RASGRF2: variants seen among roughly 807,000 people sequenced by gnomAD.
The protein encoded by RASGRF2 is ras-specific guanine nucleotide-releasing factor 2.
A neutral mutation model predicts 151.0 loss-of-function variants in RASGRF2; 76 were observed. That is an observed-to-expected ratio of 0.50 (90% confidence interval 0.42 to 0.61). The LOEUF is 0.61. Ranked by LOEUF, RASGRF2 falls within the 20% of genes least tolerant of loss-of-function variation. The pLI, the probability that RASGRF2 is intolerant of heterozygous loss-of-function variation, is 0.00. For synonymous variants in RASGRF2, 504 were observed against 566.5 expected (o/e 0.89, Z 1.57); for missense variants, 1,148 against 1,564.6 (o/e 0.73, Z 4.49).
chr5:81,040,261 A>T (rs1750638464), intron 1 of RASGRF2, among the ~76,000 whole-genome samples: 1 of 152,184 alleles, frequency 6.6e-6, no homozygotes, highest in Admixed American at 6.5e-5. Flanking sequence ...CTCCTGTCTC[A>T]GCCTCCAAAA....
intron 1 of RASGRF2, among the ~76,000 whole-genome samples, chr5:81,028,751 G>A (rs543997700): frequency 3.3e-5 from 5 of 152,224 alleles, no homozygotes; most frequent in African/African-American, 7.2e-5. Context: ...CAGAAGACAG[G>A]TGATTTCTGC....
Position 81,180,179 on chromosome 5 carries a change from TAAC to T in RASGRF2, c.2696_2698del (p.Asn899del). 1 of 1,598,386 alleles carries T rather than the reference TAAC, an allele frequency of 6.3e-7. No homozygotes were observed. On this transcript the variant is annotated inframe_deletion, in exon 18 of 27. Transcript: ENST00000265080. ...TGTGTTTCTTTTTCTCCTAAGGCTT[TAAC>T]AACACCGAGAGAACATGTGATAAAG...
At chr5:81,032,508 A>G (rs62367401) in intron 1 of RASGRF2, among the ~76,000 whole-genome samples, 12,355 of 152,254 alleles carry the variant, frequency 0.081, 722 homozygotes, top group East Asian at 0.16. Context: ...AAATCAATAA[A>G]CGTAATCCAG....
chr5:81,197,348 C>T (rs965390270), intron 18 of RASGRF2, among the ~76,000 whole-genome samples: 3 of 145,382 alleles, frequency 2.1e-5, no homozygotes, highest in Admixed American at 7.1e-5. Flanking sequence ...CCCAGCTACT[C>T]GGGAGGCTGA....
At chr5:80,993,219 C>T (rs1360371908) in intron 1 of RASGRF2, among the ~76,000 whole-genome samples, 2 of 152,170 alleles carry the variant, frequency 1.3e-5, no homozygotes, top group African/African-American at 4.8e-5. Context: ...GATGAAATGA[C>T]AGTGTCTGGA....
chr5:81,159,176 GGAAT>G lies in RASGRF2; in HGVS notation c.2687-20992_2687-20989del, dbSNP rs552439804. Among the ~76,000 whole-genome samples the G allele has an allele frequency of 2.4e-3, 365 of 152,284 alleles. 2 individuals are homozygous for G. The highest frequency in any genetic ancestry group is 8.2e-3 in the African/African-American group (341 of 41,548). Reference sequence around the variant, plus strand: ...ATTGCAAAATGTTCTGCAATAAAAAGGAATGAATGACTGGGACATGCTACAGCAT... The same window carrying G: ...ATTGCAAAATGTTCTGCAATAAAAAGGAATGACTGGGACATGCTACAGCAT... On this transcript the variant is annotated intron_variant, in intron 17 of 26. Transcript: ENST00000265080.
rs575624678 is a variant in RASGRF2, at chr5:81,117,483, GCCTCATGATATAATCA to G, written c.2470+3568_2470+3583del. Among the ~76,000 whole-genome samples, 150 of 152,230 alleles carry G rather than the reference GCCTCATGATATAATCA, an allele frequency of 9.9e-4. No individual in the cohort carries two copies. In the East Asian group the frequency reaches 0.02, roughly 21 times the overall value. Reference sequence around the variant, plus strand: ...CATTAATCCATTTATGTGTGTAGAGGCCTCATGATATAATCACCTCTTAGAGGTCCCACCTCTCAAC... The same window carrying G: ...CATTAATCCATTTATGTGTGTAGAGGCCTCTTAGAGGTCCCACCTCTCAAC... On this transcript the variant is annotated intron_variant, in intron 15 of 26. Transcript: ENST00000265080.
At chr5:81,019,595 G>C (rs185554462) in intron 1 of RASGRF2, 1 of 152,184 alleles carries the variant, frequency 6.6e-6, no homozygotes, top group South Asian at 2.1e-4. Flanking sequence ...TGTAAAGAAC[G>C]TGTGTAGTAA....
chr5:80,979,151 G>A (rs540007756), intron 1 of RASGRF2, among the ~76,000 whole-genome samples: 1 of 152,218 alleles, frequency 6.6e-6, no homozygotes, highest in Admixed American at 6.5e-5. Context: ...TATGATTAGG[G>A]TAGTTCCCAA....
At chr5:81,120,543 A>G (rs1433353708) in intron 15 of RASGRF2, among the ~76,000 whole-genome samples, 1 of 152,240 alleles carries the variant, frequency 6.6e-6, no homozygotes, top group Non-Finnish European at 1.5e-5. Context: ...TGATCATACC[A>G]CTGCATTCCA....
intron 17 of RASGRF2, among the ~76,000 whole-genome samples, chr5:81,169,266 C>T (rs1210468549): frequency 2.0e-5 from 3 of 152,166 alleles, no homozygotes; most frequent in Non-Finnish European, 4.4e-5. Context: ...TCCTCTTTCC[C>T]TCAGACCTTA....
chr5:80,990,833 C>T (rs1048067653), intron 1 of RASGRF2, among the ~76,000 whole-genome samples: 3 of 152,208 alleles, frequency 2.0e-5, no homozygotes, highest in Non-Finnish European at 2.9e-5. Context: ...GAAGTGCTGA[C>T]TGTTCTAGTA....
chr5:81,127,086 A>C lies in RASGRF2; in HGVS notation c.2609A>C (p.Asp870Ala), dbSNP rs1753476912. 1 of 1,614,094 alleles carries C rather than the reference A, an allele frequency of 6.2e-7. No homozygotes were observed. The highest frequency in any genetic ancestry group is 1.6e-4 in the Middle Eastern group (1 of 6,062). ...TTCAAATAACCAGGACAGACGGCGG[A>C]CAATGCCCACTGCTCTGTTTCACCG... ...RYRQPGGQTADNAHCSVSPAS... is the reference protein window; with the variant it reads ...RYRQPGGQTAANAHCSVSPAS... The change falls in exon 17 of 27, where the codon GAC (aspartate) becomes GCC (alanine). Residue 870 changes from aspartate (D) to alanine (A), a missense_variant. Physicochemically the swap from Asp to Ala is moderately radical, Grantham distance 126. Transcript: ENST00000265080.
intron 1 of RASGRF2, among the ~76,000 whole-genome samples, chr5:81,011,374 A>G (rs565476): frequency 0.56 from 85,361 of 151,910 alleles, 24,468 homozygotes; most frequent in Middle Eastern, 0.69. Context: ...TTCTTTTTTT[A>G]CCATTAAACC....
chr5:81,031,411 T>A (rs1312906628), intron 1 of RASGRF2, among the ~76,000 whole-genome samples: 2 of 152,166 alleles, frequency 1.3e-5, no homozygotes, highest in East Asian at 3.9e-4. Context: ...AAAACACTTC[T>A]CAGCAAATGT....
At chr5:81,157,754 C>T (rs1754295182) in intron 17 of RASGRF2, among the ~76,000 whole-genome samples, 1 of 152,116 alleles carries the variant, frequency 6.6e-6, no homozygotes, top group Non-Finnish European at 1.5e-5. Flanking sequence ...AGGGGAAATG[C>T]CAGATGCTTA....
At chr5:81,219,941 AG>A (rs376060385) in intron 26 of RASGRF2, 163 bp downstream of exon 26, 3 of 553,672 alleles carry the variant, frequency 5.4e-6, no homozygotes, top group Non-Finnish European at 9.5e-6. Flanking sequence ...AAAAAAAAAA[AG>A]AACATCAATT....
At chr5:81,208,889 G>A (rs961233273) in intron 22 of RASGRF2, among the ~76,000 whole-genome samples, 1 of 152,076 alleles carries the variant, frequency 6.6e-6, no homozygotes, top group Non-Finnish European at 1.5e-5. Context: ...GGATATTGAC[G>A]ACAAGCTTAA....
At chr5:81,125,401 C>T (rs747481376) in intron 16 of RASGRF2, among the ~76,000 whole-genome samples, 2 of 152,144 alleles carry the variant, frequency 1.3e-5, no homozygotes, top group Non-Finnish European at 2.9e-5. Context: ...TTTAAGGCTC[C>T]AAGTCAGTTA....
Sources: gnomAD v4.1 joint callset for allele counts (sites outside exome capture counted in the v4.1 genomes callset) on GRCh38, gnomAD v4.1.1 for gene constraint, MANE v1.5 for transcripts, NCBI Gene and HGNC (gene_info 2026-07-23, HGNC 2026-07-21) for gene names.